The following INSR variants were observed in gnomAD, a reference collection of about 807,000 sequenced individuals.
INSR encodes IR.
Under a neutral mutation model 142.6 loss-of-function variants are expected in INSR, and 67 were observed. The ratio of observed to expected loss-of-function variants is 0.47; its 90% CI spans 0.39 to 0.58. The LOEUF (loss-of-function observed/expected upper bound fraction) is 0.58. Ranked by LOEUF, INSR falls within the 20% of genes least tolerant of loss-of-function variation. The probability of loss-of-function intolerance (pLI) is 0.00; values close to 1 mark genes in which losing one functional copy is unlikely to be tolerated. For missense variants in INSR, 1,248 were observed against 1,833.2 expected (o/e 0.68, Z 5.83); for synonymous variants, 756 against 743.1 (o/e 1.02, Z -0.28).
At chr19:7,142,604 G>A (rs921436921) in intron 12 of INSR, among the ~76,000 whole-genome samples, 1 of 149,810 alleles carries the variant, frequency 6.7e-6, no homozygotes, top group African/African-American at 2.5e-5. Context: ...CTGAAGCAGG[G>A]AATCACTTGA....
At chr19:7,275,485 A>T (rs1968037182) in intron 1 of INSR, among the ~76,000 whole-genome samples, 1 of 152,034 alleles carries the variant, frequency 6.6e-6, no homozygotes, top group African/African-American at 2.4e-5. Context: ...TTAAAGTGAA[A>T]ATAAAATTCA....
At chr19:7,155,809 G>A (rs1413151805) in intron 9 of INSR, among the ~76,000 whole-genome samples, 1 of 151,632 alleles carries the variant, frequency 6.6e-6, no homozygotes, top group Admixed American at 6.6e-5. Flanking sequence ...AGCTACTCAG[G>A]AGGCTGAGGT....
rs776752493 is a variant in INSR at position 7,192,525 on chromosome 19, A to C, written c.653-7888T>G. ...CCCTCATTGACACGTAATGAGCCCA[A>C]GTGTCCGTTCCTGCCCAAATTCTGG... On this transcript the variant is annotated intron_variant, in intron 2 of 21. Transcript: ENST00000302850. This position sits in a 1 kb window ranked among gnomAD's most constrained non-coding sequence, Gnocchi z 4.2. 5.3e-5 allele frequency among the ~76,000 whole-genome samples: 8 copies of C among 152,142 alleles called. No homozygotes were observed. The highest frequency in any genetic ancestry group is 1.0e-4 in the Non-Finnish European group (7 of 68,022).
chr19:7,141,634 T>C (rs1157780658), intron 13 of INSR, 43 bp downstream of exon 13: 5 of 1,612,776 alleles, frequency 3.1e-6, no homozygotes, highest in Admixed American at 1.7e-5. Context: ...TGAAGGGGCA[T>C]GCTGAAGTGT....
intron 9 of INSR, among the ~76,000 whole-genome samples, chr19:7,154,514 G>T (rs1047347489): frequency 1.3e-5 from 2 of 150,528 alleles, no homozygotes; most frequent in Admixed American, 6.6e-5. Flanking sequence ...GTGTTAGCCA[G>T]GATGGTCTCG....
At chr19:7,177,224 G>T (rs1203077005) in intron 3 of INSR, among the ~76,000 whole-genome samples, 1 of 152,190 alleles carries the variant, frequency 6.6e-6, no homozygotes, top group Non-Finnish European at 1.5e-5. Flanking sequence ...CTCAGAGGTG[G>T]TGGGTACAGA....
chr19:7,239,739 CATACAAG>C (rs1231347143), intron 2 of INSR, among the ~76,000 whole-genome samples: 5 of 151,914 alleles, frequency 3.3e-5, no homozygotes, highest in Non-Finnish European at 5.9e-5. Context: ...GTGGCTTATT[CATACAAG>C]ATACTATGTA....
intron 2 of INSR, among the ~76,000 whole-genome samples, chr19:7,201,748 C>T (rs1332711675): frequency 6.9e-6 from 1 of 145,896 alleles, no homozygotes; most frequent in Non-Finnish European, 1.5e-5. Context: ...CGGCAAGCTC[C>T]CCCTCCCGGG....
intron 2 of INSR, among the ~76,000 whole-genome samples, chr19:7,224,242 A>AT: frequency 1.8e-5 from 1 of 56,826 alleles, no homozygotes; most frequent in African/African-American, 8.5e-5. Flanking sequence ...ACACCAGGCC[A>AT]ATTTTTTTTT....
intron 17 of INSR, 72 bp from the exon 18 acceptor site, chr19:7,123,061 TG>T (rs1461792698): frequency 9.0e-7 from 1 of 1,116,996 alleles, no homozygotes; most frequent in African/African-American, 1.5e-5. Context: ...CCTCCCTCCC[TG>T]GTGTCTATGT....
chr19:7,188,767 G>C (rs1232821965), intron 2 of INSR, among the ~76,000 whole-genome samples: 1 of 151,090 alleles, frequency 6.6e-6, no homozygotes, highest in African/African-American at 2.4e-5. Context: ...CCAGCTACTC[G>C]GGAGGCTGAG....
chr19:7,164,772 G>C (rs544379674), intron 8 of INSR, among the ~76,000 whole-genome samples: 27 of 145,328 alleles, frequency 1.9e-4, no homozygotes, highest in African/African-American at 5.9e-4. Context: ...GTTGCAGTGA[G>C]CTGAGATAGG....
intron 2 of INSR, among the ~76,000 whole-genome samples, chr19:7,237,495 C>T (rs1192306431): frequency 6.6e-6 from 1 of 151,222 alleles, no homozygotes; most frequent in Non-Finnish European, 1.5e-5. Flanking sequence ...CCAACCTGGG[C>T]AACACAGGGA....
At chr19:7,285,288 TA>T (rs1968317737) in intron 1 of INSR, among the ~76,000 whole-genome samples, 1 of 151,708 alleles carries the variant, frequency 6.6e-6, no homozygotes, top group South Asian at 2.1e-4. Context: ...CCATCTCTAC[TA>T]AAAATAAAAA....
In INSR at chr19:7,122,634, T is replaced by G; in HGVS notation, c.3509A>C (p.Asp1170Ala). Residue 1170 changes from aspartate (D) to alanine (A), a missense_variant, in exon 19 of 22, where the codon GAT becomes GCT. By Grantham distance (126) the Asp-to-Ala change is moderately radical (BLOSUM62 -2). Around this residue, in one of 3 missense-constraint regions of INSR, gnomAD observed 1,069 missense variants for 1,654.0 expected, o/e 0.65. Transcript: ENST00000302850. Reference protein sequence around the residue: ...LAARNCMVAHDFTVKIGDFGM... With the variant: ...LAARNCMVAHAFTVKIGDFGM... ...CGAACCTCCAATTTTGACAGTAAAA[T>G]CATGGGCGACCATGCAGTTTCTCGC... is the stretch of plus-strand genomic sequence containing the variant. 6.2e-7 allele frequency: 1 copy of G among 1,614,138 alleles called. No homozygotes were observed. The highest frequency in any genetic ancestry group is 8.5e-7 in the Non-Finnish European group (1 of 1,180,018).
chr19:7,153,472 A>AC, intron 9 of INSR, among the ~76,000 whole-genome samples: 1 of 135,994 alleles, frequency 7.4e-6, no homozygotes, highest in African/African-American at 2.8e-5. Flanking sequence ...CACACCACAC[A>AC]CACACCACAC....
intron 2 of INSR, among the ~76,000 whole-genome samples, chr19:7,206,578 G>A (rs140602826): frequency 9.8e-5 from 15 of 152,288 alleles, no homozygotes; most frequent in African/African-American, 2.6e-4. Flanking sequence ...CTGTGCATGC[G>A]AGGGATCTGG....
At chr19:7,244,257 G>A (rs1289492018) in intron 2 of INSR, among the ~76,000 whole-genome samples, 1 of 152,176 alleles carries the variant, frequency 6.6e-6, no homozygotes, top group Non-Finnish European at 1.5e-5. Flanking sequence ...AATTGGCTGG[G>A]CGCAGTGGCT....
chr19:7,231,665 C>T (rs1432694991), intron 2 of INSR, among the ~76,000 whole-genome samples: 1 of 152,042 alleles, frequency 6.6e-6, no homozygotes, highest in East Asian at 1.9e-4. Flanking sequence ...CCACCAACAA[C>T]CTGCCATACA....
Sources: allele counts gnomAD v4.1 joint callset (sites outside exome capture counted in the v4.1 genomes callset), GRCh38; gene constraint gnomAD v4.1.1; regional missense constraint gnomAD v4.1.1; non-coding constraint Gnocchi (gnomAD v3.1); transcripts MANE v1.5; gene names NCBI Gene and HGNC (gene_info 2026-07-23, HGNC 2026-07-21).